Variants in HS3ST4 observed in about 807,000 individuals in gnomAD.
HS3ST4 encodes the protein heparan sulfate glucosamine 3-O-sulfotransferase 4.
In HS3ST4, 17 loss-of-function variants were observed where a neutral mutation model predicts 29.2. The observed-to-expected ratio is 0.58, with a 90% CI of 0.40 to 0.87. The LOEUF is 0.87. HS3ST4 is among the 40% of genes least tolerant of loss of function. The pLI, the probability that HS3ST4 is intolerant of heterozygous loss-of-function variation, is 0.00. For missense variants in HS3ST4, 627 were observed against 634.5 expected (o/e 0.99, Z 0.13); for synonymous variants, 314 against 285.7 (o/e 1.10, Z -1.00).
intron 1 of HS3ST4, among the ~76,000 whole-genome samples, chr16:25,926,694 C>G (rs193078913): frequency 6.6e-6 from 1 of 152,060 alleles, no homozygotes; most frequent in Non-Finnish European, 1.5e-5. Context: ...GAGACTGGGG[C>G]GAAGAAAAGA....
chr16:25,938,838 G>T (rs1359736061), intron 1 of HS3ST4, among the ~76,000 whole-genome samples: 2 of 152,108 alleles, frequency 1.3e-5, no homozygotes, highest in Non-Finnish European at 2.9e-5. Flanking sequence ...TTTTAATGGT[G>T]CTCTCTGATT....
chr16:25,774,707 A>T (rs763557051), intron 1 of HS3ST4, among the ~76,000 whole-genome samples: 8 of 152,260 alleles, frequency 5.3e-5, no homozygotes, highest in Non-Finnish European at 1.0e-4. Context: ...GGCATACTAT[A>T]GGCACTGTGT....
At chr16:25,986,288 C>T (rs1201979458) in intron 1 of HS3ST4, among the ~76,000 whole-genome samples, 1 of 152,226 alleles carries the variant, frequency 6.6e-6, no homozygotes, top group Non-Finnish European at 1.5e-5. Flanking sequence ...CAGAACCAGG[C>T]ATTGAAACTG....
chr16:25,823,670 C>T (rs948606451), intron 1 of HS3ST4, among the ~76,000 whole-genome samples: 9 of 152,144 alleles, frequency 5.9e-5, no homozygotes, highest in East Asian at 1.9e-4. Context: ...AAGCGATTCT[C>T]GTGCCTCAGC....
intron 1 of HS3ST4, among the ~76,000 whole-genome samples, chr16:25,697,324 C>T (rs948250822): frequency 6.6e-6 from 1 of 151,896 alleles, no homozygotes; most frequent in African/African-American, 2.4e-5. Flanking sequence ...AATGGATGGC[C>T]CAGAGCTGTT....
chr16:26,046,263 G>A (rs576970045), intron 1 of HS3ST4, among the ~76,000 whole-genome samples: 13 of 149,488 alleles, frequency 8.7e-5, no homozygotes, highest in Non-Finnish European at 1.5e-4. Context: ...CGATTCTCCT[G>A]TCTCAGCCTC....
chr16:25,797,511 GACA>G (rs1425151017), intron 1 of HS3ST4, among the ~76,000 whole-genome samples: 1 of 152,192 alleles, frequency 6.6e-6, no homozygotes, highest in Non-Finnish European at 1.5e-5. Flanking sequence ...GGACACCAAA[GACA>G]GCTAGCAAGG....
intron 1 of HS3ST4, among the ~76,000 whole-genome samples, chr16:25,911,496 GTTTTTTT>G (rs542274531): frequency 1.2e-4 from 10 of 81,996 alleles, no homozygotes; most frequent in Non-Finnish European, 1.8e-4. Context: ...CCGTTGTGTG[GTTTTTTT>G]TTTTTTTTTT....
At chr16:25,754,874 C>T (rs540958438) in intron 1 of HS3ST4, among the ~76,000 whole-genome samples, 1 of 150,882 alleles carries the variant, frequency 6.6e-6, no homozygotes. Flanking sequence ...TTCATCCACC[C>T]ATCCATCTAT....
chr16:25,796,413 T>G (rs901811212), intron 1 of HS3ST4, among the ~76,000 whole-genome samples: 1 of 152,162 alleles, frequency 6.6e-6, no homozygotes, highest in Non-Finnish European at 1.5e-5. Context: ...GTAGTGGGAG[T>G]GCTGGTTCTC....
intron 1 of HS3ST4, among the ~76,000 whole-genome samples, chr16:25,718,705 T>C (rs1966474160): frequency 6.6e-6 from 1 of 152,126 alleles, no homozygotes; most frequent in South Asian, 2.1e-4. Context: ...TTTCAGGTGA[T>C]TTTGAGACAT....
intron 1 of HS3ST4, among the ~76,000 whole-genome samples, chr16:25,857,948 C>CTTTCTTTCTTTCTTTCTTTATTTA (rs1567257162): frequency 7.9e-4 from 45 of 57,142 alleles, no homozygotes; most frequent in Non-Finnish European, 1.4e-3. Flanking sequence ...TTCTTTCTTT[C>CTTTCTTTCTTTCTTTCTTTATTTA]TTTCTTTCTT....
chr16:25,925,403 C>G (rs973053514), intron 1 of HS3ST4, among the ~76,000 whole-genome samples: 29 of 152,064 alleles, frequency 1.9e-4, no homozygotes, highest in Non-Finnish European at 4.0e-4. Context: ...GCTTTCTCAT[C>G]TTTAAAAGCT....
In HS3ST4 at chr16:25,720,937, C is replaced by G. The variant is rs533382853; in HGVS notation, c.734+27786C>G. 2.0e-5 allele frequency among the ~76,000 whole-genome samples: 3 copies of G among 152,320 alleles called. No homozygotes were observed. The East Asian group carries it at 5.8e-4, about 29-fold the overall frequency. On this transcript the variant is annotated intron_variant, in intron 1 of 1. Coordinates refer to ENST00000331351, the MANE Select transcript of HS3ST4 (RefSeq NM_006040.3). ...TCAGTCTTTGGCAAAAAAGAGCAGG[C>G]TGTCTTAGTCCAACCATGAGTCATC...
At chr16:25,763,333 A>C (rs149428255) in intron 1 of HS3ST4, among the ~76,000 whole-genome samples, 8 of 152,294 alleles carry the variant, frequency 5.3e-5, no homozygotes, top group African/African-American at 1.7e-4. Flanking sequence ...AGGCAGAAGG[A>C]AATGCCACCT....
At chr16:26,095,619 A>T (rs536013591) in intron 1 of HS3ST4, among the ~76,000 whole-genome samples, 2 of 152,168 alleles carry the variant, frequency 1.3e-5, no homozygotes, top group Non-Finnish European at 2.9e-5. Flanking sequence ...TTAAAGCAGT[A>T]TGTAGAGGGA....
intron 1 of HS3ST4, among the ~76,000 whole-genome samples, chr16:25,998,002 G>T (rs6497909): frequency 0.18 from 27,809 of 152,068 alleles, 2,641 homozygotes; most frequent in South Asian, 0.22. Flanking sequence ...TTGTGATGCC[G>T]ATGAGGGTGG....
chr16:25,949,423 T>C (rs1359983316), intron 1 of HS3ST4, among the ~76,000 whole-genome samples: 1 of 152,180 alleles, frequency 6.6e-6, no homozygotes, highest in East Asian at 1.9e-4. Context: ...ATGTTCATGA[T>C]TTCTAGTGAT....
intron 1 of HS3ST4, among the ~76,000 whole-genome samples, chr16:25,875,805 G>A (rs1342848954): frequency 6.6e-6 from 1 of 152,074 alleles, no homozygotes; most frequent in Non-Finnish European, 1.5e-5. Flanking sequence ...TGCCAGGTGT[G>A]TGATCCAGAA....
Sources: allele counts gnomAD v4.1 joint callset (sites outside exome capture counted in the v4.1 genomes callset), GRCh38; gene constraint gnomAD v4.1.1; transcripts MANE v1.5; gene names NCBI Gene and HGNC (gene_info 2026-07-23, HGNC 2026-07-21).